The following GRM1 variants were observed in gnomAD, a reference collection of about 807,000 sequenced individuals.
The protein encoded by GRM1 is metabotropic glutamate receptor 1.
A neutral mutation model predicts 90.9 loss-of-function variants in GRM1; 33 were observed. The ratio of observed to expected loss-of-function variants is 0.36; its 90% CI spans 0.28 to 0.49. GRM1 has a LOEUF of 0.49. Among genes scored for constraint, GRM1 ranks in the 20% least tolerant of loss-of-function variants. The pLI is 0.99. For synonymous variants in GRM1, 700 were observed against 613.2 expected (o/e 1.14, Z -2.09); for missense variants, 1,190 against 1,534.3 (o/e 0.78, Z 3.75).
intron 2 of GRM1, among the ~76,000 whole-genome samples, chr6:146,203,321 T>C (rs1177890670): frequency 7.9e-5 from 12 of 152,182 alleles, no homozygotes. Context: ...GTTACTGCCA[T>C]TTGTGCCGCT....
chr6:146,360,113 CA>C (rs1209035019), intron 5 of GRM1, among the ~76,000 whole-genome samples: 7 of 152,262 alleles, frequency 4.6e-5, no homozygotes, highest in Admixed American at 2.0e-4. Flanking sequence ...GAGAAACAGG[CA>C]GCTTGCAAGG....
chr6:146,310,838 C>A (rs1011230446), intron 3 of GRM1, among the ~76,000 whole-genome samples: 5 of 152,188 alleles, frequency 3.3e-5, no homozygotes, highest in Non-Finnish European at 7.3e-5. Context: ...TGACAGTTGA[C>A]GCCTGAGTGA....
At chr6:146,227,176 T>G (rs544193758) in intron 2 of GRM1, among the ~76,000 whole-genome samples, 2 of 152,138 alleles carry the variant, frequency 1.3e-5, no homozygotes, top group Admixed American at 6.6e-5. Flanking sequence ...CAGAAATATC[T>G]AAAACATACA....
At chr6:146,069,371 A>G (rs1347522017) in intron 1 of GRM1, among the ~76,000 whole-genome samples, 1 of 152,208 alleles carries the variant, frequency 6.6e-6, no homozygotes, top group Non-Finnish European at 1.5e-5. Flanking sequence ...GAGTTTCAAA[A>G]AATCTTCTAA....
intron 7 of GRM1, among the ~76,000 whole-genome samples, chr6:146,428,510 T>C (rs1337237395): frequency 1.3e-5 from 2 of 152,220 alleles, no homozygotes; most frequent in East Asian, 3.8e-4. Context: ...TTCCCATTTC[T>C]CAGGGTGAAT....
intron 1 of GRM1, among the ~76,000 whole-genome samples, chr6:146,065,055 A>G (rs2128855957): frequency 6.6e-6 from 1 of 152,266 alleles, no homozygotes; most frequent in Non-Finnish European, 1.5e-5. Flanking sequence ...AAAACTTTTA[A>G]TATTAAAAAA....
At chr6:146,229,439 A>T (rs1780369991) in intron 2 of GRM1, among the ~76,000 whole-genome samples, 1 of 150,202 alleles carries the variant, frequency 6.7e-6, no homozygotes, top group African/African-American at 2.5e-5. Context: ...GGAGCCTCCT[A>T]TTAGCCATTA....
intron 1 of GRM1, among the ~76,000 whole-genome samples, chr6:146,110,169 A>G (rs887661660): frequency 6.6e-6 from 1 of 152,164 alleles, no homozygotes; most frequent in Non-Finnish European, 1.5e-5. Flanking sequence ...GGGAGGGGCC[A>G]GAGGCAGAAC....
chr6:146,184,878 A>G lies in GRM1; in HGVS notation c.950+25281A>G, dbSNP rs1415242815. On this transcript the variant is annotated intron_variant, in intron 2 of 7. Coordinates refer to ENST00000282753, the MANE Select transcript of GRM1 (RefSeq NM_001278064.2). Reference sequence around the variant, plus strand: ...TTTCCCTTAAAAATGTTTACCTTGAAAAGACTACATAGTTTCCACTCACAT... The same window carrying G: ...TTTCCCTTAAAAATGTTTACCTTGAGAAGACTACATAGTTTCCACTCACAT... Among the ~76,000 whole-genome samples the G allele has an allele frequency of 3.3e-5, 5 of 152,316 alleles. No individual in the cohort carries two copies. In the East Asian group the frequency reaches 5.8e-4, roughly 18 times the overall value.
chr6:146,316,542 T>G (rs935367674), intron 3 of GRM1, among the ~76,000 whole-genome samples: 2 of 152,232 alleles, frequency 1.3e-5, no homozygotes, highest in African/African-American at 2.4e-5. Flanking sequence ...CTTTAGTGCC[T>G]TCTACTGCTG....
intron 1 of GRM1, among the ~76,000 whole-genome samples, chr6:146,119,093 C>G (rs929026129): frequency 2.6e-5 from 4 of 152,222 alleles, no homozygotes; most frequent in African/African-American, 9.6e-5. Flanking sequence ...CACATCCTCT[C>G]CAGCACCTGT....
intron 7 of GRM1, among the ~76,000 whole-genome samples, chr6:146,405,112 A>T (rs1441823383): frequency 6.6e-6 from 1 of 152,202 alleles, no homozygotes; most frequent in Non-Finnish European, 1.5e-5. Flanking sequence ...GACAGAGGAG[A>T]TATTGACAAG....
rs1783199925 is a variant in GRM1, at chr6:146,296,997, A to G, written c.951-7614A>G. Among the ~76,000 whole-genome samples the G allele has an allele frequency of 5.3e-5, 8 of 152,172 alleles. No individual in the cohort carries two copies. The South Asian group carries it at 1.4e-3, about 28-fold the overall frequency. On this transcript the variant is annotated intron_variant, in intron 2 of 7. Transcript: ENST00000282753. The stretch of plus-strand genomic sequence containing the variant: ...TCCAGGGCCTTACAGGCTATTGTTG[A>G]TAAGCATTCCCTGATGCATATCATT...
At chr6:146,210,901 A>G (rs1439044476) in intron 2 of GRM1, among the ~76,000 whole-genome samples, 4 of 152,136 alleles carry the variant, frequency 2.6e-5, no homozygotes, top group Non-Finnish European at 5.9e-5. Flanking sequence ...ATGGAGATTC[A>G]CAGCAGGAAT....
intron 2 of GRM1, among the ~76,000 whole-genome samples, chr6:146,238,863 A>G (rs1780747115): frequency 6.6e-6 from 1 of 152,138 alleles, no homozygotes; most frequent in Non-Finnish European, 1.5e-5. Flanking sequence ...TGCCTCTCCC[A>G]CTTTTCACAA....
At chr6:146,034,795 A>C (rs1036884323) in intron 1 of GRM1, among the ~76,000 whole-genome samples, 2 of 151,992 alleles carry the variant, frequency 1.3e-5, no homozygotes, top group African/African-American at 4.8e-5. Context: ...ACTACCTTGC[A>C]AATGTATAAA....
intron 7 of GRM1, among the ~76,000 whole-genome samples, chr6:146,429,713 T>C (rs1406982219): frequency 1.3e-5 from 2 of 152,144 alleles, no homozygotes; most frequent in Admixed American, 6.5e-5. Context: ...CCGAAGTCTG[T>C]GCCTTTTTAT....
intron 2 of GRM1, among the ~76,000 whole-genome samples, chr6:146,222,353 G>T (rs1451518917): frequency 6.6e-6 from 1 of 151,982 alleles, no homozygotes; most frequent in Non-Finnish European, 1.5e-5. Flanking sequence ...TATTAGTTTG[G>T]GTTCTCTAGA....
At chr6:146,381,064 C>T (rs1023373400) in intron 5 of GRM1, among the ~76,000 whole-genome samples, 4 of 152,156 alleles carry the variant, frequency 2.6e-5, no homozygotes, top group African/African-American at 7.2e-5. Flanking sequence ...TCTTTTGGAG[C>T]TACCAGCTGT....
Sources: allele counts gnomAD v4.1 joint callset (sites outside exome capture counted in the v4.1 genomes callset), GRCh38; gene constraint gnomAD v4.1.1; transcripts MANE v1.5; gene names NCBI Gene and HGNC (gene_info 2026-07-23, HGNC 2026-07-21).